ATP2B4: variants seen among roughly 807,000 people sequenced by gnomAD.
The protein encoded by ATP2B4 is ATPase plasma membrane Ca2+ transporting 4, also known as plasma membrane calcium-transporting ATPase 4.
In ATP2B4, 39 loss-of-function variants were observed where a neutral mutation model predicts 110.3. The observed-to-expected ratio is 0.35, with a 90% CI of 0.27 to 0.46. The LOEUF (loss-of-function observed/expected upper bound fraction) is 0.46. Ranked by LOEUF, ATP2B4 falls within the 20% of genes least tolerant of loss-of-function variation. ATP2B4 has a pLI of 1.00. For synonymous variants in ATP2B4, 538 were observed against 571.7 expected, an observed-to-expected ratio of 0.94 and a Z score of 0.84; for missense variants, 1,135 against 1,530.9, an observed-to-expected ratio of 0.74 and a Z score of 4.32.
rs145903091 is a variant in ATP2B4, at chr1:203,738,994, T to A, written c.3310-552T>A. Among the ~76,000 whole-genome samples, 323 of 152,300 alleles carry A rather than the reference T, an allele frequency of 2.1e-3. 3 individuals are homozygous for A. Among genetic ancestry groups the A allele is most frequent in the African/African-American group, 7.2e-3 (300 of 41,544 alleles). The stretch of plus-strand genomic sequence containing the variant: ...GGTTTGTCTGCCTGGCTGCACAGTT[T>A]TCATGGTCACTCGTCACCCAACCTG... On this transcript the variant is annotated intron_variant, in intron 20 of 20. Transcript: ENST00000357681.
chr1:203,728,183 C>A (rs752112802), intron 20 of ATP2B4: 1 of 469,090 alleles, frequency 2.1e-6, no homozygotes, highest in South Asian at 1.6e-5. Flanking sequence ...TGCTTCCTGA[C>A]AAGGAGGAAG....
intron 18 of ATP2B4, 144 bp downstream of exon 18, chr1:203,722,833 A>G (rs1482735437): frequency 1.2e-5 from 9 of 777,262 alleles, no homozygotes; most frequent in Middle Eastern, 3.6e-4. Flanking sequence ...GGGATTCCCA[A>G]TCTGCTTTCT....
At chr1:203,690,994 T>C (rs1301334808) in intron 2 of ATP2B4, among the ~76,000 whole-genome samples, 1 of 152,142 alleles carries the variant, frequency 6.6e-6, no homozygotes, top group Non-Finnish European at 1.5e-5. Context: ...GGCTGTGGGT[T>C]CTCTCTTCCT....
At position 203,739,724 on chromosome 1, in the gene ATP2B4, G is replaced by A. The variant is rs1280111332; in HGVS notation, c.3488G>A (p.Gly1163Glu). 6.2e-7 allele frequency: 1 copy of A among 1,614,010 alleles called. No homozygotes were observed. Among genetic ancestry groups the A allele is most frequent in the Non-Finnish European group, 8.5e-7 (1 of 1,180,044 alleles). The change falls in exon 21 of 21, where the codon GGG becomes GAG. Residue 1163 changes from glycine to glutamate, a missense_variant. Physicochemically the swap from Gly to Glu is moderately conservative, Grantham distance 98 (BLOSUM62 -2). Around this residue, in one of 9 missense-constraint regions of ATP2B4, gnomAD observed 92 missense variants for 82.5 expected, o/e 1.11. Coordinates refer to ENST00000357681, the MANE Select transcript of ATP2B4 (RefSeq NM_001684.5). ...EENPDKASKF[G>E]TRVLLLDGEV... ...AATCCTGACAAGGCTTCTAAGTTTG[G>A]GACTAGGGTGCTCCTGTTGGATGGT...
intron 20 of ATP2B4, among the ~76,000 whole-genome samples, chr1:203,732,351 GC>G (rs949525867): frequency 6.6e-6 from 1 of 152,012 alleles, no homozygotes; most frequent in Admixed American, 6.6e-5. Context: ...CAGCATTTCT[GC>G]CAGACATTTC....
At chr1:203,631,662 A>G (rs921051253) in intron 1 of ATP2B4, among the ~76,000 whole-genome samples, 3 of 152,174 alleles carry the variant, frequency 2.0e-5, no homozygotes, top group Admixed American at 6.5e-5. Context: ...GGCTGTTAGT[A>G]TTGAGCCCGG....
chr1:203,683,067 T>C lies in ATP2B4; in HGVS notation c.-139T>C. 1.1e-6 allele frequency: 1 copy of C among 904,228 alleles called. No individual in the cohort carries two copies. The highest frequency in any genetic ancestry group is 1.7e-6 in the Non-Finnish European group (1 of 595,352). The allele number at this position is 904,228 out of a possible 1,614,324, so 56.0% of individuals were successfully genotyped here. ...ACTCGGGAGCTTATTGCACAAGATATATTCAATCTATTCCCTCACTGGGCC... is the reference window on the plus strand; with the variant it reads ...ACTCGGGAGCTTATTGCACAAGATACATTCAATCTATTCCCTCACTGGGCC... On this transcript the variant is annotated 5_prime_UTR_variant, in exon 2 of 21. Coordinates refer to ENST00000357681, the MANE Select transcript of ATP2B4 (RefSeq NM_001684.5).
chr1:203,633,713 G>GATAAATAAATAA (rs59277643), intron 1 of ATP2B4, among the ~76,000 whole-genome samples: 36,295 of 144,188 alleles, frequency 0.25, 5,291 homozygotes, highest in Middle Eastern at 0.33. Flanking sequence ...CTCCATATCA[G>GATAAATAAATAA]ATAAATAAAT....
chr1:203,712,271 C>T, intron 13 of ATP2B4, 132 bp downstream of exon 13: 1 of 1,096,728 alleles, frequency 9.1e-7, no homozygotes, highest in Non-Finnish European at 1.3e-6. Flanking sequence ...GAAACATCTC[C>T]TTGTACCAAA....
chr1:203,702,366 A>G (rs1385340532), intron 7 of ATP2B4, among the ~76,000 whole-genome samples: 1 of 152,028 alleles, frequency 6.6e-6, no homozygotes, highest in Non-Finnish European at 1.5e-5. Flanking sequence ...AGGGAGCTGA[A>G]CTCTGCTTCA....
chr1:203,700,913 A>G lies in ATP2B4; in HGVS notation c.891A>G (p.Lys297=). 1 of 1,613,020 alleles carries G rather than the reference A, an allele frequency of 6.2e-7. No individual in the cohort carries two copies. The highest frequency in any genetic ancestry group is 2.2e-5 in the East Asian group (1 of 44,850). The part of the protein sequence containing the change: ...LGVNEDDEGE[K]KKKGKKQGVP... ...TCAATGAGGATGACGAAGGGGAGAAAAAGAAGAAAGGTAAGGGGCATCTGG... is the reference window on the plus strand; with the variant it reads ...TCAATGAGGATGACGAAGGGGAGAAGAAGAAGAAAGGTAAGGGGCATCTGG... Residue 297 remains lysine (K), a synonymous_variant, in exon 6 of 21, where the codon AAA becomes AAG. Transcript: ENST00000357681.
chr1:203,735,002 C>CAAAAAA (rs35552196), intron 20 of ATP2B4, among the ~76,000 whole-genome samples: 1,363 of 57,074 alleles, frequency 0.024, 63 homozygotes, highest in South Asian at 0.05. Flanking sequence ...GACTCCATCT[C>CAAAAAA]AAAAAAAAAA....
chr1:203,633,921 A>G (rs1663356551), intron 1 of ATP2B4, among the ~76,000 whole-genome samples: 1 of 152,026 alleles, frequency 6.6e-6, no homozygotes, highest in South Asian at 2.1e-4. Flanking sequence ...GTGGTAGTGC[A>G]TGCCTATAAT....
intron 9 of ATP2B4, 55 bp downstream of exon 9, chr1:203,707,278 T>A (rs1217181345): frequency 2.0e-6 from 3 of 1,518,586 alleles, no homozygotes; most frequent in Non-Finnish European, 2.7e-6. Flanking sequence ...GAGAGAAGGG[T>A]ACCATGTAAC....
At chr1:203,668,504 T>G (rs1231103016) in intron 1 of ATP2B4, among the ~76,000 whole-genome samples, 2 of 152,040 alleles carry the variant, frequency 1.3e-5, no homozygotes, top group Non-Finnish European at 2.9e-5. Flanking sequence ...CCACCTAGAG[T>G]CCTCAGTGTT....
intron 1 of ATP2B4, among the ~76,000 whole-genome samples, chr1:203,640,775 A>G (rs41422249): frequency 1.3e-5 from 2 of 152,246 alleles, no homozygotes. Context: ...CATTTTCCAC[A>G]TGATAAAGAT....
intron 1 of ATP2B4, among the ~76,000 whole-genome samples, chr1:203,639,810 T>C (rs1663572851): frequency 6.6e-6 from 1 of 152,188 alleles, no homozygotes; most frequent in Non-Finnish European, 1.5e-5. Flanking sequence ...GGTGGAGATG[T>C]TCTGTTGCTG....
intron 15 of ATP2B4, among the ~76,000 whole-genome samples, chr1:203,715,281 CAA>C (rs200157666): frequency 0.012 from 1,651 of 138,136 alleles, 220 homozygotes; most frequent in Non-Finnish European, 0.019. Flanking sequence ...TCTCAAAAAA[CAA>C]AAGAGATTCC....
intron 1 of ATP2B4, among the ~76,000 whole-genome samples, chr1:203,663,441 A>C (rs1012562030): frequency 2.6e-5 from 4 of 152,092 alleles, no homozygotes; most frequent in African/African-American, 4.8e-5. Flanking sequence ...GAAGAATGAC[A>C]CACACACACA....
Sources: allele counts gnomAD v4.1 joint callset (sites outside exome capture counted in the v4.1 genomes callset), GRCh38; gene constraint gnomAD v4.1.1; regional missense constraint gnomAD v4.1.1; transcripts MANE v1.5; gene names NCBI Gene and HGNC (gene_info 2026-07-23, HGNC 2026-07-21).